The following WHRN variants were observed in gnomAD, a reference collection of about 807,000 sequenced individuals.
WHRN encodes the protein CASK-interacting protein CIP98.
In WHRN, 41 loss-of-function variants were observed where a neutral mutation model predicts 68.3. The observed-to-expected ratio is 0.60, with a 90% confidence interval of 0.47 to 0.78. The LOEUF (loss-of-function observed/expected upper bound fraction) is 0.78. Among genes scored for constraint, WHRN ranks in the 30% least tolerant of loss-of-function variants. WHRN has a pLI of 0.00. For missense variants in WHRN, 1,243 were observed against 1,244.7 expected (o/e 1.00, Z 0.02); for synonymous variants, 560 against 561.3 (o/e 1.00, Z 0.03).
At chr9:114,478,292 T>C in intron 2 of WHRN, 1 of 697,710 alleles carries the variant, frequency 1.4e-6, no homozygotes, top group Non-Finnish European at 2.7e-6. Flanking sequence ...TGTCTCCAAA[T>C]AGATAAATAA....
At chr9:114,445,125 T>C (rs991461463) in intron 3 of WHRN, among the ~76,000 whole-genome samples, 13 of 151,742 alleles carry the variant, frequency 8.6e-5, no homozygotes, top group African/African-American at 3.2e-4. Context: ...CACTGCAACC[T>C]CCACTTCTTG....
At chr9:114,455,632 T>A (rs188553363) in intron 3 of WHRN, among the ~76,000 whole-genome samples, 2 of 151,230 alleles carry the variant, frequency 1.3e-5, no homozygotes, top group East Asian at 3.9e-4. Context: ...GAGGATCACT[T>A]GAGCCCAGGA....
At chr9:114,407,898 C>T (rs1478943713) in intron 8 of WHRN, 49 bp downstream of exon 8, 1 of 1,506,930 alleles carries the variant, frequency 6.6e-7, no homozygotes. Context: ...GCCACCAGGA[C>T]CTGAGCACAC....
Position 114,504,963 on chromosome 9 carries a change from G to GCGGAGACCGCTGCTAGAGTCC in WHRN, c.-183_-163dup. On this transcript the variant is annotated 5_prime_UTR_variant, in exon 1 of 12. Coordinates refer to ENST00000362057, the MANE Select transcript of WHRN (RefSeq NM_015404.4). Reference sequence around the variant, plus strand: ...TACAGTGGCTGGATCCTAGGGGGTCGCGGAGACCGCTGCTAGAGTCCCGGA... The same window carrying GCGGAGACCGCTGCTAGAGTCC: ...TACAGTGGCTGGATCCTAGGGGGTCGCGGAGACCGCTGCTAGAGTCCCGGAGACCGCTGCTAGAGTCCCGGA... The GCGGAGACCGCTGCTAGAGTCC allele has an allele frequency of 1.9e-6, 2 of 1,066,010 alleles. No individual in the cohort carries two copies. Among genetic ancestry groups the GCGGAGACCGCTGCTAGAGTCC allele is most frequent in the Non-Finnish European group, 2.4e-6 (2 of 820,574 alleles). 66.0% of individuals were successfully genotyped at this position (1,066,010 alleles called of 1,614,324 possible).
intron 7 of WHRN, among the ~76,000 whole-genome samples, chr9:114,413,832 C>T (rs1474789891): frequency 6.6e-6 from 1 of 152,160 alleles, no homozygotes; most frequent in Non-Finnish European, 1.5e-5. Flanking sequence ...TGAGATGGGG[C>T]AGAAGTCACT....
intron 3 of WHRN, among the ~76,000 whole-genome samples, chr9:114,439,721 T>C (rs1838204101): frequency 6.6e-6 from 1 of 152,242 alleles, no homozygotes; most frequent in Non-Finnish European, 1.5e-5. Context: ...GTTTAAACTG[T>C]GTAGGTACAC....
chr9:114,499,886 A>G (rs1843778635), intron 1 of WHRN, among the ~76,000 whole-genome samples: 4 of 152,248 alleles, frequency 2.6e-5, no homozygotes, highest in African/African-American at 4.8e-5. Context: ...GGAGAATGAC[A>G]GGAAAACAAG....
intron 3 of WHRN, among the ~76,000 whole-genome samples, chr9:114,436,859 A>C (rs1837904290): frequency 1.3e-5 from 2 of 151,962 alleles, no homozygotes; most frequent in African/African-American, 4.8e-5. Context: ...TAAATAAATC[A>C]ATTTTAAAAC....
chr9:114,501,813 C>T (rs994008542), intron 1 of WHRN, among the ~76,000 whole-genome samples: 3 of 152,334 alleles, frequency 2.0e-5, no homozygotes, highest in South Asian at 2.1e-4. Context: ...GACATGGTGA[C>T]TCGCAGCACT....
intron 1 of WHRN, among the ~76,000 whole-genome samples, chr9:114,496,470 A>G (rs939697947): frequency 1.3e-5 from 2 of 152,238 alleles, no homozygotes; most frequent in Non-Finnish European, 2.9e-5. Flanking sequence ...AAACAGCTAC[A>G]GTGGATCACA....
At chr9:114,435,051 A>C (rs1837731357) in intron 3 of WHRN, among the ~76,000 whole-genome samples, 1 of 151,950 alleles carries the variant, frequency 6.6e-6, no homozygotes, top group Non-Finnish European at 1.5e-5. Flanking sequence ...GATAACACCT[A>C]CTGAACGTCC....
In WHRN at chr9:114,504,635, T is replaced by C. The variant is rs767351109; in HGVS notation, c.167A>G (p.Glu56Gly). 1.9e-6 allele frequency: 3 copies of C among 1,608,394 alleles called. No homozygotes were observed. Among genetic ancestry groups the C allele is most frequent in the Non-Finnish European group, 1.7e-6 (2 of 1,178,234 alleles). Residue 56 changes from glutamate to glycine, a missense_variant, in exon 1 of 12, where the codon GAG becomes GGG. By Grantham distance (98) the Glu-to-Gly change is moderately conservative. Transcript: ENST00000362057. ...AGCGTTCAGGCAGTGGGTGAACTGC[T>C]CCCGCTCCGCCTCGCTCAGCAGCGC... ...LTALLSEAER[E>G]QFTHCLNAYH...
chr9:114,418,158 C>T lies in WHRN; in HGVS notation c.1626+5156G>A, dbSNP rs772773380. Among the ~76,000 whole-genome samples, 6 of 152,166 alleles carry T rather than the reference C, an allele frequency of 3.9e-5. No homozygotes were observed. The East Asian group carries it at 7.7e-4, about 20-fold the overall frequency. ...GCTAAGGGACTCCCACAGTCCCCAC[C>T]GGCAGGAAGGGTGGTACCTCCATCA... is the stretch of plus-strand genomic sequence containing the variant. On this transcript the variant is annotated intron_variant, in intron 7 of 11. Coordinates refer to ENST00000362057, the MANE Select transcript of WHRN (RefSeq NM_015404.4).
intron 1 of WHRN, among the ~76,000 whole-genome samples, chr9:114,494,006 GGTTCAAATCCTAGT>G (rs1843233820): frequency 6.6e-6 from 1 of 152,212 alleles, no homozygotes; most frequent in Admixed American, 6.5e-5. Context: ...AGAATACCTG[GGTTCAAATCCTAGT>G]CCCACCACCC....
intron 1 of WHRN, among the ~76,000 whole-genome samples, chr9:114,496,949 T>C (rs1409762780): frequency 6.6e-6 from 1 of 152,218 alleles, no homozygotes; most frequent in Non-Finnish European, 1.5e-5. Flanking sequence ...GTCAAGCCTT[T>C]ATGGGGATAA....
intron 6 of WHRN, 63 bp downstream of exon 6, chr9:114,424,271 G>T: frequency 3.8e-6 from 6 of 1,571,724 alleles, no homozygotes; most frequent in Non-Finnish European, 4.4e-6. Context: ...AAGGAGCGGG[G>T]GCAGGGCAGG....
At chr9:114,500,501 A>G (rs915609444) in intron 1 of WHRN, among the ~76,000 whole-genome samples, 1 of 152,230 alleles carries the variant, frequency 6.6e-6, no homozygotes, top group Non-Finnish European at 1.5e-5. Flanking sequence ...CAATCACTCT[A>G]ATTAAATGAA....
At position 114,403,796 on chromosome 9, in the gene WHRN, T is replaced by C. The variant is rs965672619; in HGVS notation, c.2418+100A>G. On this transcript the variant is annotated intron_variant, in intron 10 of 11. Transcript: ENST00000362057. Reference sequence around the variant, plus strand: ...ATAGGGAGCTCACTACCTCCCTTTGTGGTCACTTGCCAAGCTGAGCCCTGG... The same window carrying C: ...ATAGGGAGCTCACTACCTCCCTTTGCGGTCACTTGCCAAGCTGAGCCCTGG... The C allele has an allele frequency of 1.1e-5, 16 of 1,443,292 alleles. No homozygotes were observed. In the African/African-American group the frequency reaches 2.2e-4, roughly 20 times the overall value. The allele number at this position is 1,443,292 out of a possible 1,614,324, so 89.4% of individuals were successfully genotyped here.
intron 1 of WHRN, among the ~76,000 whole-genome samples, chr9:114,488,044 T>C (rs769887835): frequency 6.6e-6 from 1 of 152,230 alleles, no homozygotes; most frequent in Non-Finnish European, 1.5e-5. Flanking sequence ...TGGTGGTGTC[T>C]TAGGGTGCGA....
Sources: gnomAD v4.1 joint callset for allele counts (sites outside exome capture counted in the v4.1 genomes callset) on GRCh38, gnomAD v4.1.1 for gene constraint, MANE v1.5 for transcripts, NCBI Gene and HGNC (gene_info 2026-07-23, HGNC 2026-07-21) for gene names.